SAMD5: variants seen among roughly 807,000 people sequenced by gnomAD.
SAMD5 encodes the protein sterile alpha motif domain-containing protein 5.
In SAMD5, 13 loss-of-function variants were observed where a neutral mutation model predicts 11.3. The ratio of observed to expected loss-of-function variants is 1.15; its 90% CI spans 0.75 to 1.83. The LOEUF (loss-of-function observed/expected upper bound fraction) is 1.83, where lower values mean the gene tolerates loss of function less well. Among genes scored for constraint, SAMD5 ranks in the 40% most tolerant of loss-of-function variants. The pLI, the probability that SAMD5 is intolerant of heterozygous loss-of-function variation, is 0.00. For synonymous variants in SAMD5, 129 were observed against 111.3 expected, an observed-to-expected ratio of 1.16 and a Z score of -1.00; for missense variants, 255 against 239.1, an observed-to-expected ratio of 1.07 and a Z score of -0.44.
the SAMD5 span, among the ~76,000 whole-genome samples, chr6:147,896,379 T>A: frequency 6.6e-6 from 1 of 151,390 alleles, no homozygotes; most frequent in East Asian, 2.0e-4. Context: ...GGGGCTGGGG[T>A]TGGGGGAGCT....
At chr6:147,776,678 A>C in the SAMD5 span, among the ~76,000 whole-genome samples, 1 of 152,340 alleles carries the variant, frequency 6.6e-6, no homozygotes, top group African/African-American at 2.4e-5. Context: ...TCCAAAGTGT[A>C]GAACTGTTAG....
chr6:147,569,811 A>T lies in SAMD5; in HGVS notation c.*5355A>T. ...GAGTAGCGAAGCACAGATTCACTCT[A>T]ATTGAAAGCAGCAGTTTGGTTTTGT... On this transcript the variant is annotated 3_prime_UTR_variant, in exon 2 of 2. Transcript: ENST00000367474. The T allele has an allele frequency of 1.0e-6, 1 of 985,248 alleles. No individual in the cohort carries two copies. The highest frequency in any genetic ancestry group is 1.2e-6 in the Non-Finnish European group (1 of 829,742). The allele number at this position is 985,248 out of a possible 1,614,324, so 61.0% of individuals were successfully genotyped here.
chr6:147,767,080 C>G, the SAMD5 span, among the ~76,000 whole-genome samples: 1 of 152,168 alleles, frequency 6.6e-6, no homozygotes, highest in Non-Finnish European at 1.5e-5. Flanking sequence ...TAAATGGTGA[C>G]TGTTTAACCA....
chr6:147,701,049 T>G (rs573334160), intron 1 of SAMD5, among the ~76,000 whole-genome samples: 1 of 152,340 alleles, frequency 6.6e-6, no homozygotes, highest in South Asian at 2.1e-4. Context: ...AGCTAGTTCC[T>G]TCCTGTAAAC....
At chr6:147,810,801 G>A in the SAMD5 span, among the ~76,000 whole-genome samples, 88 of 152,272 alleles carry the variant, frequency 5.8e-4, no homozygotes, top group African/African-American at 2.1e-3. Flanking sequence ...AGAAAATAGT[G>A]GCACAGAGAG....
chr6:147,706,327 T>C (rs1243448856), intron 1 of SAMD5, among the ~76,000 whole-genome samples: 1 of 152,170 alleles, frequency 6.6e-6, no homozygotes. Flanking sequence ...GTTCAACCAA[T>C]TCTCCTGCCT....
intron 1 of SAMD5, among the ~76,000 whole-genome samples, chr6:147,556,961 G>A (rs964721582): frequency 7.9e-5 from 12 of 152,130 alleles, no homozygotes; most frequent in Admixed American, 7.2e-4. Flanking sequence ...GATATTTTGA[G>A]CAAAAGAAAA....
At chr6:147,807,464 T>C in the SAMD5 span, among the ~76,000 whole-genome samples, 1 of 152,198 alleles carries the variant, frequency 6.6e-6, no homozygotes, top group African/African-American at 2.4e-5. Flanking sequence ...CCGAAGCAGA[T>C]GAATACAGAG....
At chr6:147,924,777 TATAAATAAATAAATAAATAA>T in the SAMD5 span, among the ~76,000 whole-genome samples, 7 of 147,116 alleles carry the variant, frequency 4.8e-5, no homozygotes, top group Admixed American at 1.4e-4. Context: ...TTAATTTTGT[TATAAATAAATAAATAAATAA>T]ATAAATAAAT....
At chr6:147,877,900 T>C in the SAMD5 span, among the ~76,000 whole-genome samples, 5 of 35,172 alleles carry the variant, frequency 1.4e-4, no homozygotes, top group African/African-American at 8.1e-4. Flanking sequence ...GATAGCTAGA[T>C]AGATAGATAG....
intron 1 of SAMD5, among the ~76,000 whole-genome samples, chr6:147,620,545 C>T (rs922936062): frequency 1.3e-5 from 2 of 152,158 alleles, no homozygotes; most frequent in African/African-American, 4.8e-5. Context: ...CCTAATTCTG[C>T]TTCAAGGTAG....
the SAMD5 span, among the ~76,000 whole-genome samples, chr6:147,904,971 C>T: frequency 5.9e-5 from 9 of 151,466 alleles, no homozygotes; most frequent in African/African-American, 2.2e-4. Context: ...TCACTGCAAC[C>T]TCTGCCTCCT....
In SAMD5 at chr6:147,569,382, A is replaced by C; in HGVS notation, c.*4926A>C. On this transcript the variant is annotated 3_prime_UTR_variant, in exon 2 of 2. Transcript: ENST00000367474. ...CTTTTCAGAGGAAAACAAGAGGCTA[A>C]ATTCCATGTTAAGAGCTAAGTAGTA... 2.1e-6 allele frequency: 2 copies of C among 950,338 alleles called. No individual in the cohort carries two copies. The highest frequency in any genetic ancestry group is 2.5e-6 in the Non-Finnish European group (2 of 798,034). The allele number at this position is 950,338 out of a possible 1,614,324, so 58.9% of individuals were successfully genotyped here. A position where few individuals can be genotyped will look rare whatever the true frequency, so the allele number is the denominator to read the frequency against.
chr6:147,558,368 A>G (rs1439654821), intron 1 of SAMD5, among the ~76,000 whole-genome samples: 2 of 152,196 alleles, frequency 1.3e-5, no homozygotes, highest in South Asian at 4.1e-4. Context: ...GGCGTTCAGC[A>G]CACTCCAGCA....
rs375034999 is a variant in SAMD5 at position 147,553,601 on chromosome 6, C to T, written c.460-10793C>T. 1.8e-4 allele frequency among the ~76,000 whole-genome samples: 27 copies of T among 152,266 alleles called. No homozygotes were observed. The East Asian group carries it at 2.3e-3, about 13-fold the overall frequency. The stretch of plus-strand genomic sequence containing the variant: ...CTTTGGTCTGGGCTTTGTTCCTAAA[C>T]CTTCCCCTAGGAATTGTCACTGCAT... On this transcript the variant is annotated intron_variant, in intron 1 of 1. Transcript: ENST00000367474.
intron 1 of SAMD5, among the ~76,000 whole-genome samples, chr6:147,727,723 A>G: frequency 6.6e-6 from 1 of 152,092 alleles, no homozygotes; most frequent in East Asian, 1.9e-4. Context: ...CCAAGGTGAA[A>G]ACAACAATTA....
At chr6:147,634,456 C>T (rs1790195489) in intron 1 of SAMD5, among the ~76,000 whole-genome samples, 1 of 152,206 alleles carries the variant, frequency 6.6e-6, no homozygotes, top group Non-Finnish European at 1.5e-5. Context: ...CCCCTCCTCC[C>T]TCCTCCAACA....
At chr6:147,850,367 G>T in the SAMD5 span, among the ~76,000 whole-genome samples, 1 of 152,040 alleles carries the variant, frequency 6.6e-6, no homozygotes, top group South Asian at 2.1e-4. Flanking sequence ...TAAATTAACC[G>T]GCAGAGGGCT....
At chr6:147,814,372 A>G in the SAMD5 span, among the ~76,000 whole-genome samples, 1 of 152,208 alleles carries the variant, frequency 6.6e-6, no homozygotes, top group Non-Finnish European at 1.5e-5. Context: ...GAGGTGATAA[A>G]TATTAATACA....
Sources: allele counts gnomAD v4.1 joint callset (sites outside exome capture counted in the v4.1 genomes callset), GRCh38; gene constraint gnomAD v4.1.1; transcripts MANE v1.5; gene names NCBI Gene and HGNC (gene_info 2026-07-23, HGNC 2026-07-21).